The following PTPRM variants were observed in gnomAD, a reference collection of about 807,000 sequenced individuals.
The protein encoded by PTPRM is receptor-type tyrosine-protein phosphatase mu.
A neutral mutation model predicts 186.7 loss-of-function variants in PTPRM; 47 were observed. That is an observed-to-expected ratio of 0.25 (90% confidence interval 0.20 to 0.32). The LOEUF (loss-of-function observed/expected upper bound fraction) is 0.32, where lower values mean the gene tolerates loss of function less well. Ranked by LOEUF, PTPRM falls within the 10% of genes least tolerant of loss-of-function variation. The pLI, the probability that PTPRM is intolerant of heterozygous loss-of-function variation, is 1.00. For missense variants in PTPRM, 1,494 were observed against 1,865.0 expected (o/e 0.80, Z 3.66); for synonymous variants, 668 against 674.9 (o/e 0.99, Z 0.16).
At chr18:8,240,461 GA>G (rs200428776) in intron 14 of PTPRM, among the ~76,000 whole-genome samples, 11 of 70,448 alleles carry the variant, frequency 1.6e-4, no homozygotes, top group Admixed American at 2.9e-4. Context: ...GAGAGAGAGA[GA>G]GAGGGAGGGA....
At chr18:7,711,061 G>T (rs1006767347) in intron 1 of PTPRM, among the ~76,000 whole-genome samples, 1 of 152,134 alleles carries the variant, frequency 6.6e-6, no homozygotes, top group African/African-American at 2.4e-5. Flanking sequence ...AATAGTAACA[G>T]CTCCAGTCTG....
chr18:7,862,843 A>G (rs1230536547), intron 2 of PTPRM, among the ~76,000 whole-genome samples: 1 of 152,226 alleles, frequency 6.6e-6, no homozygotes, highest in Non-Finnish European at 1.5e-5. Flanking sequence ...CTCGGTATGC[A>G]GCCTGCCTGG....
intron 7 of PTPRM, among the ~76,000 whole-genome samples, chr18:8,051,054 G>T (rs2087459546): frequency 1.3e-5 from 2 of 152,180 alleles, no homozygotes; most frequent in African/African-American, 4.8e-5. Context: ...CTATTACTGT[G>T]TGTTTTGAAA....
At chr18:7,923,398 A>G (rs1205342935) in intron 4 of PTPRM, among the ~76,000 whole-genome samples, 1 of 152,180 alleles carries the variant, frequency 6.6e-6, no homozygotes, top group African/African-American at 2.4e-5. Flanking sequence ...GGGTTGGTCA[A>G]CATGTGGAAT....
chr18:8,276,542 A>G (rs868429811), intron 19 of PTPRM, among the ~76,000 whole-genome samples: 9 of 152,286 alleles, frequency 5.9e-5, no homozygotes, highest in African/African-American at 9.6e-5. Flanking sequence ...TTGACCATCA[A>G]CTGTGGGCTG....
intron 23 of PTPRM, among the ~76,000 whole-genome samples, chr18:8,368,113 A>G (rs997837219): frequency 6.6e-5 from 10 of 151,838 alleles, no homozygotes; most frequent in African/African-American, 2.4e-4. Flanking sequence ...GTAGTTTTAT[A>G]TCTATCCCAC....
At chr18:7,695,179 G>A (rs949578039) in intron 1 of PTPRM, among the ~76,000 whole-genome samples, 9 of 152,300 alleles carry the variant, frequency 5.9e-5, no homozygotes, top group African/African-American at 1.9e-4. Flanking sequence ...GCTTCGGCTC[G>A]TAATGCCAGT....
At chr18:7,738,273 G>A (rs1003011652) in intron 1 of PTPRM, among the ~76,000 whole-genome samples, 4 of 152,120 alleles carry the variant, frequency 2.6e-5, no homozygotes, top group Admixed American at 6.5e-5. Flanking sequence ...TCCATGCTTC[G>A]GGATTCAGTG....
chr18:8,114,744 TAAAG>T (rs2091891183), intron 12 of PTPRM, 43 bp from the exon 13 acceptor site: 4 of 1,482,214 alleles, frequency 2.7e-6, no homozygotes, highest in African/African-American at 2.8e-5. Flanking sequence ...CTATTTGTCT[TAAAG>T]AAAACATGAA....
At chr18:7,632,291 G>A (rs576717432) in intron 1 of PTPRM, among the ~76,000 whole-genome samples, 2 of 152,202 alleles carry the variant, frequency 1.3e-5, no homozygotes, top group Admixed American at 6.5e-5. Flanking sequence ...CATTTTATAT[G>A]TAAAGAAATG....
intron 1 of PTPRM, among the ~76,000 whole-genome samples, chr18:7,732,658 C>T (rs182746773): frequency 6.6e-6 from 1 of 151,934 alleles, no homozygotes; most frequent in African/African-American, 2.4e-5. Flanking sequence ...AGGTATGCAC[C>T]CCCATGCCTG....
chr18:7,702,628 T>A (rs1033191312), intron 1 of PTPRM, among the ~76,000 whole-genome samples: 2 of 152,362 alleles, frequency 1.3e-5, no homozygotes, highest in East Asian at 3.9e-4. Flanking sequence ...AAAAATTTTC[T>A]CCCATTCTGG....
At chr18:7,614,243 A>G (rs1269364923) in intron 1 of PTPRM, among the ~76,000 whole-genome samples, 2 of 152,172 alleles carry the variant, frequency 1.3e-5, no homozygotes, top group Non-Finnish European at 2.9e-5. Flanking sequence ...ACCAAGGCCA[A>G]ATGAGTTACC....
intron 22 of PTPRM, among the ~76,000 whole-genome samples, chr18:8,338,115 C>A (rs2095450941): frequency 6.6e-6 from 1 of 151,774 alleles, no homozygotes; most frequent in South Asian, 2.1e-4. Context: ...ACAGGGTGTG[C>A]TGTGCTCTTG....
rs550523987 is a variant in PTPRM, at chr18:7,640,645, C to CTAGAA, written c.73+72755_73+72759dup. Among the ~76,000 whole-genome samples the CTAGAA allele has an allele frequency of 3.2e-3, 484 of 152,112 alleles. 11 individuals carry two copies. Among genetic ancestry groups the CTAGAA allele is most frequent in the Non-Finnish European group, 8.5e-4 (58 of 68,000 alleles). Reference sequence around the variant, plus strand: ...GGGAGACAGGTGATTGGCAGCTCCACTAGAACCATGGGGAAAGGGAGGAGC... The same window carrying CTAGAA: ...GGGAGACAGGTGATTGGCAGCTCCACTAGAATAGAACCATGGGGAAAGGGAGGAGC... On this transcript the variant is annotated intron_variant, in intron 1 of 32. Coordinates refer to ENST00000580170, the MANE Select transcript of PTPRM (RefSeq NM_001105244.2).
At chr18:8,117,805 C>A (rs1459619820) in intron 13 of PTPRM, among the ~76,000 whole-genome samples, 3 of 152,124 alleles carry the variant, frequency 2.0e-5, no homozygotes, top group African/African-American at 4.8e-5. Context: ...GTGTTACCTG[C>A]CCAATTCAAG....
chr18:7,805,345 T>G (rs2044181414), intron 2 of PTPRM, among the ~76,000 whole-genome samples: 1 of 152,222 alleles, frequency 6.6e-6, no homozygotes, highest in Non-Finnish European at 1.5e-5. Flanking sequence ...CTCTAGCAGT[T>G]TCTACCCATT....
intron 1 of PTPRM, among the ~76,000 whole-genome samples, chr18:7,699,968 C>T (rs968961657): frequency 1.3e-5 from 2 of 152,158 alleles, no homozygotes; most frequent in African/African-American, 4.8e-5. Context: ...TCCTTTCCCT[C>T]ATTGCACTAC....
intron 7 of PTPRM, among the ~76,000 whole-genome samples, chr18:7,984,602 T>TATATATATATATACACACACAC (rs1214502563): frequency 1.4e-3 from 118 of 87,162 alleles, no homozygotes; most frequent in Admixed American, 2.0e-3. Flanking sequence ...TATATATATA[T>TATATATATATATACACACACAC]ACACACACAC....
Sources: allele counts gnomAD v4.1 joint callset (sites outside exome capture counted in the v4.1 genomes callset), GRCh38; gene constraint gnomAD v4.1.1; transcripts MANE v1.5; gene names NCBI Gene and HGNC (gene_info 2026-07-23, HGNC 2026-07-21).